Variants in DLG5 observed in about 807,000 individuals in gnomAD.
The protein encoded by DLG5 is disks large homolog 5.
A neutral mutation model predicts 189.8 loss-of-function variants in DLG5; 48 were observed. That is an observed-to-expected ratio of 0.25 (90% CI 0.20 to 0.32). The LOEUF (loss-of-function observed/expected upper bound fraction) is 0.32, where lower values mean the gene tolerates loss of function less well. DLG5 is among the 10% of genes least tolerant of loss of function. The probability of loss-of-function intolerance (pLI) is 1.00; values close to 1 mark genes in which losing one functional copy is unlikely to be tolerated. For missense variants in DLG5, 2,160 were observed against 2,544.7 expected (o/e 0.85, Z 3.25); for synonymous variants, 1,016 against 1,054.1 (o/e 0.96, Z 0.70).
chr10:77,928,348 C>A (rs995674275), upstream of DLG5: 2 of 152,202 alleles, frequency 1.3e-5, no homozygotes, highest in Non-Finnish European at 2.9e-5. Context: ...GTTACAAGTT[C>A]TTTAAGACCT....
rs202078560 is a variant in DLG5, at chr10:77,821,285, G to A, written c.3199C>T (p.Arg1067Cys). Reference protein sequence around the residue: ...PGEPMHASPPRKARVRIASSY... With the variant: ...PGEPMHASPPCKARVRIASSY... ...GAAGCAATGCGGACCCTGGCCTTGC[G>A]AGGGGGTGATGCGTGCATGGGCTCC... The change falls in exon 15 of 32, where the codon CGC (arginine) becomes TGC (cysteine). Residue 1067 changes from arginine to cysteine, a missense_variant. Arg to Cys is a radical substitution (Grantham distance 180, BLOSUM62 -3). This residue lies in a region of DLG5 where 754 missense variants were observed against 746.5 expected (regional missense o/e 1.01). Transcript: ENST00000372391. The A allele has an allele frequency of 8.2e-5, 133 of 1,613,582 alleles. No individual in the cohort carries two copies. The highest frequency in any genetic ancestry group is 2.7e-4 in the African/African-American group (20 of 74,928).
Position 77,806,941 on chromosome 10 carries a change from A to G in DLG5, c.4797-13T>C, listed in dbSNP as rs1328943389. 6.2e-7 allele frequency: 1 copy of G among 1,603,138 alleles called. No homozygotes were observed. Among genetic ancestry groups the G allele is most frequent in the South Asian group, 1.1e-5 (1 of 90,832 alleles). ...GTCGTACAGGGCCCTGGACCACAGC[A>G]CAGAAGGAACACGATCAGGCGGCTC... On this transcript the variant is annotated splice_polypyrimidine_tract_variant and intron_variant, in intron 25 of 31. Transcript: ENST00000372391.
At chr10:77,919,729 C>T (rs893492963) in intron 1 of DLG5, among the ~76,000 whole-genome samples, 1 of 151,878 alleles carries the variant, frequency 6.6e-6, no homozygotes, top group Admixed American at 6.6e-5. Context: ...TGGCTCCTGG[C>T]AGCCAGCTCC....
At chr10:77,829,853 G>A (rs1387044836) in intron 11 of DLG5, among the ~76,000 whole-genome samples, 1 of 152,164 alleles carries the variant, frequency 6.6e-6, no homozygotes, top group Non-Finnish European at 1.5e-5. Context: ...TCTATAAAGT[G>A]CTTAAACCAG....
chr10:77,859,779 A>G (rs1356623686), intron 2 of DLG5, among the ~76,000 whole-genome samples: 1 of 152,206 alleles, frequency 6.6e-6, no homozygotes, highest in Non-Finnish European at 1.5e-5. Context: ...GACAGCCAGG[A>G]TTTCTCTGCT....
chr10:77,905,082 T>C (rs554494375), intron 1 of DLG5, among the ~76,000 whole-genome samples: 3 of 145,024 alleles, frequency 2.1e-5, no homozygotes, highest in Non-Finnish European at 4.5e-5. Flanking sequence ...TGAGCCGAGA[T>C]CGCGCCACTG....
chr10:77,922,308 G>T (rs1385439456), intron 1 of DLG5, among the ~76,000 whole-genome samples: 1 of 152,238 alleles, frequency 6.6e-6, no homozygotes, highest in East Asian at 1.9e-4. Flanking sequence ...AAAAACTCAG[G>T]TGTTTCCCCA....
chr10:77,883,311 T>C (rs1309693178), intron 1 of DLG5, among the ~76,000 whole-genome samples: 1 of 151,174 alleles, frequency 6.6e-6, no homozygotes, highest in African/African-American at 2.4e-5. Context: ...GGTGCTGAGG[T>C]TTGTGGTTGG....
At chr10:77,802,849 G>A (rs757605437) in intron 27 of DLG5, among the ~76,000 whole-genome samples, 13 of 152,200 alleles carry the variant, frequency 8.5e-5, no homozygotes, top group Non-Finnish European at 1.2e-4. Context: ...GCAGCGAGCC[G>A]AGATCGTACC....
At chr10:77,829,322 T>C (rs1842793354) in intron 12 of DLG5, 33 bp downstream of exon 12, 1 of 1,612,440 alleles carries the variant, frequency 6.2e-7, no homozygotes, top group Non-Finnish European at 8.5e-7. Flanking sequence ...CCCAGCCACC[T>C]GAGGCACTCT....
chr10:77,883,655 G>C (rs1386888095), intron 1 of DLG5, among the ~76,000 whole-genome samples: 1 of 151,492 alleles, frequency 6.6e-6, no homozygotes, highest in Non-Finnish European at 1.5e-5. Flanking sequence ...CTGGATCTAT[G>C]GACCCCCTAA....
At chr10:77,915,610 G>A (rs1589279758) in intron 1 of DLG5, among the ~76,000 whole-genome samples, 3 of 152,328 alleles carry the variant, frequency 2.0e-5, no homozygotes, top group East Asian at 1.9e-4. Context: ...AAAGAACCTA[G>A]CACTGCCTGG....
chr10:77,911,334 T>C (rs577078456), intron 1 of DLG5, among the ~76,000 whole-genome samples: 2 of 152,308 alleles, frequency 1.3e-5, no homozygotes, highest in Admixed American at 6.5e-5. Flanking sequence ...TTGCTCAGGC[T>C]GGTCTCGAAC....
At chr10:77,885,153 C>T (rs1845401197) in intron 1 of DLG5, among the ~76,000 whole-genome samples, 1 of 152,176 alleles carries the variant, frequency 6.6e-6, no homozygotes, top group Admixed American at 6.5e-5. Context: ...CATCATGACC[C>T]ATTCCACACC....
At chr10:77,806,700 GGCTGGT>G in intron 26 of DLG5, 52 bp downstream of exon 26, 2 of 1,490,258 alleles carry the variant, frequency 1.3e-6, no homozygotes, top group Non-Finnish European at 1.9e-6. Flanking sequence ...ACAGCTCCAT[GGCTGGT>G]GGCCCTCGGC....
At chr10:77,817,559 C>G (rs927077619) in intron 18 of DLG5, among the ~76,000 whole-genome samples, 2 of 152,248 alleles carry the variant, frequency 1.3e-5, no homozygotes, top group African/African-American at 4.8e-5. Flanking sequence ...CATAAGGCCC[C>G]CACAGAAAGC....
intron 1 of DLG5, among the ~76,000 whole-genome samples, chr10:77,895,945 C>A (rs1339729867): frequency 6.6e-6 from 1 of 152,184 alleles, no homozygotes; most frequent in Non-Finnish European, 1.5e-5. Context: ...GAAACTTATT[C>A]TCTCCTTTCC....
At chr10:77,895,180 G>A (rs887194866) in intron 1 of DLG5, among the ~76,000 whole-genome samples, 8 of 152,076 alleles carry the variant, frequency 5.3e-5, no homozygotes, top group Non-Finnish European at 8.8e-5. Flanking sequence ...ACCCTCACCC[G>A]CAGGGCAGCA....
rs963691572 is a variant in DLG5, at chr10:77,819,334, C to A, written c.3658G>T (p.Gly1220Cys). The change falls in exon 17 of 32, where the codon GGT becomes TGT. Residue 1220 changes from glycine to cysteine, a missense_variant. Transcript: ENST00000372391. ...GCCTTCACATACCTGGGATGCAAAC[C>A]CTGGGGGCCAGCATCTCGGGCCGCA... ...PPAARDAGPQ[G>C]LHPSVQHQGR... 5.6e-6 allele frequency: 9 copies of A among 1,613,956 alleles called. No homozygotes were observed. Among genetic ancestry groups the A allele is most frequent in the Non-Finnish European group, 7.6e-6 (9 of 1,180,000 alleles).
Sources: gnomAD v4.1 joint callset for allele counts (sites outside exome capture counted in the v4.1 genomes callset) on GRCh38, gnomAD v4.1.1 for gene constraint, gnomAD v4.1.1 regional missense constraint, MANE v1.5 for transcripts, NCBI Gene and HGNC (gene_info 2026-07-23, HGNC 2026-07-21) for gene names.